Variants in DLG2 observed in about 807,000 individuals in gnomAD.
DLG2 encodes discs large MAGUK scaffold protein 2.
Under a neutral mutation model 132.5 loss-of-function variants are expected in DLG2, and 45 were observed. The observed-to-expected ratio is 0.34, with a 90% CI of 0.27 to 0.44. The LOEUF is 0.44. Among genes scored for constraint, DLG2 ranks in the 20% least tolerant of loss-of-function variants. The pLI is 1.00. For missense variants in DLG2, 1,045 were observed against 1,196.9 expected (o/e 0.87, Z 1.87); for synonymous variants, 424 against 419.6 (o/e 1.01, Z -0.13).
intron 18 of DLG2, among the ~76,000 whole-genome samples, chr11:83,727,397 C>T (rs961856867): frequency 1.3e-5 from 2 of 152,296 alleles, no homozygotes; most frequent in South Asian, 2.1e-4. Context: ...CACTCCCCAC[C>T]ACCCAAGGCT....
At position 83,510,697 on chromosome 11, in the gene DLG2, T is replaced by C. The variant is rs114630454; in HGVS notation, c.2193+22011A>G. Among the ~76,000 whole-genome samples, 406 of 152,168 alleles carry C rather than the reference T, an allele frequency of 2.7e-3. 3 individuals carry two copies. Among genetic ancestry groups the C allele is most frequent in the African/African-American group, 9.2e-3 (383 of 41,516 alleles). ...TCTCACGGTGTCTCCCATCTAAATA[T>C]TTCCTTGAGGTATCTTTCAGATGCT... On this transcript the variant is annotated intron_variant, in intron 21 of 27. Coordinates refer to ENST00000376104, the MANE Select transcript of DLG2 (RefSeq NM_001142699.3).
At chr11:84,317,161 A>G (rs1392223213) in intron 7 of DLG2, 5 of 1,595,262 alleles carry the variant, frequency 3.1e-6, no homozygotes, top group Non-Finnish European at 4.3e-6. Context: ...ACTGATGCCT[A>G]CTCTTTCCTT....
At chr11:83,889,297 G>A (rs1347656527) in intron 15 of DLG2, among the ~76,000 whole-genome samples, 1 of 151,880 alleles carries the variant, frequency 6.6e-6, no homozygotes, top group African/African-American at 2.4e-5. Flanking sequence ...GTGGGTGAAG[G>A]ACATGAACAG....
chr11:83,794,860 A>G (rs765053914), intron 17 of DLG2, among the ~76,000 whole-genome samples: 2 of 152,178 alleles, frequency 1.3e-5, no homozygotes, highest in Non-Finnish European at 2.9e-5. Flanking sequence ...CCGAGGGTCT[A>G]CGCCTACAAG....
intron 3 of DLG2, among the ~76,000 whole-genome samples, chr11:85,462,433 C>A (rs1025096741): frequency 2.0e-5 from 3 of 152,126 alleles, no homozygotes; most frequent in African/African-American, 4.8e-5. Context: ...TGGATTAAGA[C>A]AATGTGGCAC....
intron 3 of DLG2, among the ~76,000 whole-genome samples, chr11:85,557,247 C>T (rs2076991532): frequency 6.6e-6 from 1 of 151,638 alleles, no homozygotes; most frequent in African/African-American, 2.4e-5. Flanking sequence ...TACATCTAAC[C>T]AAGGTGGTGA....
chr11:84,031,191 T>C (rs1325476783), intron 11 of DLG2, among the ~76,000 whole-genome samples: 1 of 151,260 alleles, frequency 6.6e-6, no homozygotes, highest in East Asian at 1.9e-4. Flanking sequence ...TAAGTACTTT[T>C]CCCATGATTG....
chr11:84,635,433 G>A lies in DLG2; in HGVS notation c.358-100702C>T, dbSNP rs536993624. ...AAAGGAACGTGAAAAATATACAGGCGTGCACGGAAAGCTAAAGCATTTAGA... is the reference window on the plus strand; with the variant it reads ...AAAGGAACGTGAAAAATATACAGGCATGCACGGAAAGCTAAAGCATTTAGA... On this transcript the variant is annotated intron_variant, in intron 6 of 27. Coordinates refer to ENST00000376104, the MANE Select transcript of DLG2 (RefSeq NM_001142699.3). Among the ~76,000 whole-genome samples the A allele has an allele frequency of 4.2e-4, 64 of 152,180 alleles. No individual in the cohort carries two copies. The South Asian group carries it at 0.011, about 27-fold the overall frequency.
chr11:85,485,797 A>G (rs1016967378), intron 3 of DLG2, among the ~76,000 whole-genome samples: 1 of 152,200 alleles, frequency 6.6e-6, no homozygotes, highest in African/African-American at 2.4e-5. Flanking sequence ...GGGAACCCAC[A>G]TGGAGTCCCA....
chr11:84,323,454 T>C (rs1009010822), intron 7 of DLG2, among the ~76,000 whole-genome samples: 4 of 152,224 alleles, frequency 2.6e-5, no homozygotes, highest in Non-Finnish European at 4.4e-5. Flanking sequence ...AATGGACATT[T>C]AGGTTGTTTC....
chr11:84,223,643 G>A (rs974209575), intron 8 of DLG2, among the ~76,000 whole-genome samples: 7 of 148,784 alleles, frequency 4.7e-5, no homozygotes, highest in South Asian at 2.1e-4. Context: ...TGCAACCTCC[G>A]CCTCCTGGGT....
rs571173164 is a variant in DLG2 at position 83,768,910 on chromosome 11, A to G, written c.1825+17780T>C. 2.5e-3 allele frequency among the ~76,000 whole-genome samples: 378 copies of G among 152,342 alleles called. 2 individuals carry two copies. Among genetic ancestry groups the G allele is most frequent in the South Asian group, 8.9e-3 (43 of 4,824 alleles). On this transcript the variant is annotated intron_variant, in intron 18 of 27. Coordinates refer to ENST00000376104, the MANE Select transcript of DLG2 (RefSeq NM_001142699.3). ...AATGGACACCAGAGTCAGGCAGGCC[A>G]TTATCAGAATTTTGCCTCTTCTACT...
At chr11:85,594,971 CAGGAGAATCGCTTG>C (rs2079630712) in intron 3 of DLG2, among the ~76,000 whole-genome samples, 1 of 146,650 alleles carries the variant, frequency 6.8e-6, no homozygotes, top group Non-Finnish European at 1.5e-5. Context: ...GAGGCTGAGG[CAGGAGAATCGCTTG>C]AACCAGGAGG....
chr11:83,571,207 G>GTT (rs140357706), intron 19 of DLG2, among the ~76,000 whole-genome samples: 2 of 151,870 alleles, frequency 1.3e-5, no homozygotes, highest in African/African-American at 4.8e-5. Flanking sequence ...ATAAATATGG[G>GTT]TTTTTTTCTT....
At chr11:85,271,943 T>C (rs1006826982) in intron 4 of DLG2, among the ~76,000 whole-genome samples, 1 of 152,172 alleles carries the variant, frequency 6.6e-6, no homozygotes, top group Non-Finnish European at 1.5e-5. Context: ...TTTGGGAGAC[T>C]TTTGGGAAGG....
intron 21 of DLG2, among the ~76,000 whole-genome samples, chr11:83,515,104 AC>A (rs1055844166): frequency 3.9e-5 from 6 of 152,198 alleles, no homozygotes; most frequent in African/African-American, 1.2e-4. Flanking sequence ...AAGGAATGGT[AC>A]CAGCTCCTCC....
chr11:83,986,630 G>A (rs1309665782), intron 11 of DLG2, among the ~76,000 whole-genome samples: 7 of 150,626 alleles, frequency 4.6e-5, no homozygotes, highest in African/African-American at 1.5e-4. Context: ...CTGAGGAATC[G>A]CCACACTGAC....
At chr11:83,716,223 G>A (rs928485446) in intron 18 of DLG2, among the ~76,000 whole-genome samples, 3 of 152,036 alleles carry the variant, frequency 2.0e-5, no homozygotes, top group Non-Finnish European at 2.9e-5. Context: ...TTGATTTTCC[G>A]CAGAAGAAAA....
At chr11:84,081,116 A>C (rs191894658) in intron 10 of DLG2, among the ~76,000 whole-genome samples, 1 of 152,274 alleles carries the variant, frequency 6.6e-6, no homozygotes, top group Admixed American at 6.5e-5. Flanking sequence ...GAAGACAGAA[A>C]ATTATACCAA....
Sources: gnomAD v4.1 joint callset for allele counts (sites outside exome capture counted in the v4.1 genomes callset) on GRCh38, gnomAD v4.1.1 for gene constraint, MANE v1.5 for transcripts, NCBI Gene and HGNC (gene_info 2026-07-23, HGNC 2026-07-21) for gene names.